GOLGA6L7: variants seen among roughly 807,000 people sequenced by gnomAD.
GOLGA6L7 encodes the protein golgin A6 family like 7.
GOLGA6L7 carries 29 observed loss-of-function variants against 68.9 expected under a neutral mutation model. The observed-to-expected ratio is 0.42, with a 90% CI of 0.31 to 0.57. GOLGA6L7 has a LOEUF of 0.57. Ranked by LOEUF, GOLGA6L7 falls within the 20% of genes least tolerant of loss-of-function variation. The probability of loss-of-function intolerance (pLI) is 0.13; values close to 1 mark genes in which losing one functional copy is unlikely to be tolerated. For missense variants in GOLGA6L7, 396 were observed against 588.4 expected (o/e 0.67, Z 3.38); for synonymous variants, 133 against 197.4 (o/e 0.67, Z 2.73).
chr15:28,848,022 A>G (rs1420142307), intron 1 of GOLGA6L7, among the ~76,000 whole-genome samples: 1 of 152,202 alleles, frequency 6.6e-6, no homozygotes, highest in Non-Finnish European at 1.5e-5. Context: ...ATGGGGTCAC[A>G]GGGTTGGGAC....
chr15:28,846,398 G>A (rs1208546167), intron 2 of GOLGA6L7, 149 bp from the exon 3 acceptor site: 131 of 651,804 alleles, frequency 2.0e-4, no homozygotes, highest in East Asian at 1.2e-3. Flanking sequence ...TTTCCTTAAC[G>A]CCCAAAGAAA....
At chr15:28,845,250 C>T (rs1175093749) in intron 6 of GOLGA6L7, 6 of 563,900 alleles carry the variant, frequency 1.1e-5, no homozygotes, top group Non-Finnish European at 1.9e-5. Context: ...CCCTCAACTC[C>T]GCCTAGGATT....
At chr15:28,845,294 G>C in intron 6 of GOLGA6L7, 1 of 616,220 alleles carries the variant, frequency 1.6e-6, no homozygotes, top group South Asian at 1.8e-5. Context: ...GGGTGGGGTG[G>C]GCACTTGGCC....
chr15:28,842,168 T>G lies in GOLGA6L7; in HGVS notation c.*67A>C, dbSNP rs1184511406. 4.2e-6 allele frequency: 5 copies of G among 1,200,084 alleles called. No homozygotes were observed. In the East Asian group the frequency reaches 1.6e-4, roughly 38 times the overall value. The allele number at this position is 1,200,084 out of a possible 1,614,324, so 74.3% of individuals were successfully genotyped here. Reference sequence around the variant, plus strand: ...ATAAATTTTCTTTTTTTCAAGTTTGTTCTCAGACTGTATTCACAAGGTCAC... The same window carrying G: ...ATAAATTTTCTTTTTTTCAAGTTTGGTCTCAGACTGTATTCACAAGGTCAC... On this transcript the variant is annotated 3_prime_UTR_variant, in exon 9 of 9. Coordinates refer to ENST00000567390, the MANE Select transcript of GOLGA6L7 (RefSeq NM_001365371.2).
At chr15:28,846,892 G>A (rs201170299) in intron 2 of GOLGA6L7, 172 bp downstream of exon 2, 37,750 of 327,530 alleles carry the variant, frequency 0.12, 509 homozygotes, top group African/African-American at 0.36. Context: ...GGCCCAAAGA[G>A]CTCGAGCAAT....
At chr15:28,845,317 G>T in intron 6 of GOLGA6L7, 1 of 652,158 alleles carries the variant, frequency 1.5e-6, no homozygotes. Flanking sequence ...CGAGCTCTGT[G>T]TCCAGTGCTC....
chr15:28,842,687 T>C lies in GOLGA6L7; in HGVS notation c.1417A>G (p.Lys473Glu), dbSNP rs28521361. The change falls in exon 9 of 9, where the codon AAG (lysine) becomes GAG (glutamate). Residue 473 changes from lysine to glutamate, a missense_variant. This residue lies in a region of GOLGA6L7 where 14 missense variants were observed against 63.0 expected (regional missense o/e 0.22). Transcript: ENST00000567390. ...TGCTCCCCCATCTGCTCCTCCTGCT[T>C]CCTCATCTGCTCCTCCTGCTCCCCC... ...QMGEQEEQMR[K>E]QEEQMGEQEE... 0.017 allele frequency: 19,670 copies of C among 1,153,670 alleles called. 731 individuals are homozygous for C. The highest frequency in any genetic ancestry group is 0.11 in the Admixed American group (2,325 of 20,404). The allele number at this position is 1,153,670 out of a possible 1,614,324, so 71.5% of individuals were successfully genotyped here.
rs564314402 is a variant in GOLGA6L7, at chr15:28,848,624, G to C, written c.-75C>G. ...AGGACAGTGATATGCCTCCAGTCAC[G>C]TACCACACAGCTATGTGACTGAGCC... is the stretch of plus-strand genomic sequence containing the variant. On this transcript the variant is annotated 5_prime_UTR_variant, in exon 1 of 9. Transcript: ENST00000567390. The C allele has an allele frequency of 3.7e-5, 27 of 736,974 alleles. No individual in the cohort carries two copies. The highest frequency in any genetic ancestry group is 3.2e-4 in the African/African-American group (19 of 58,590). The allele number at this position is 736,974 out of a possible 1,614,324, so 45.7% of individuals were successfully genotyped here. A position where few individuals can be genotyped will look rare whatever the true frequency, so the allele number is the denominator to read the frequency against.
rs956426432 is a variant in GOLGA6L7 at position 28,842,257 on chromosome 15, T to C, written c.1847A>G (p.Lys616Arg). 9.3e-5 allele frequency: 114 copies of C among 1,229,794 alleles called. 1 individual carries two copies. Among genetic ancestry groups the C allele is most frequent in the Middle Eastern group, 2.9e-4 (1 of 3,498 alleles). The allele number at this position is 1,229,794 out of a possible 1,614,324, so 76.2% of individuals were successfully genotyped here. Residue 616 changes from lysine (K) to arginine (R), a missense_variant, in exon 9 of 9, where the codon AAG (lysine) becomes AGG (arginine). By Grantham distance (26) the Lys-to-Arg change is conservative (BLOSUM62 2). Transcript: ENST00000567390. The stretch of plus-strand genomic sequence containing the variant: ...TTTTTAGATACTGATGATCTTGATC[T>C]TTTTCTTGTCTCCTCCGTAGAAGAA... The part of the protein sequence containing the change: ...IPFFYGGDKK[K>R]IKIISI
chr15:28,846,246 G>C lies in GOLGA6L7; in HGVS notation c.184C>G (p.Gln62Glu). Residue 62 changes from glutamine to glutamate, a missense_variant, in exon 3 of 9, where the codon CAA becomes GAA. This residue lies in a region of GOLGA6L7 where 125 missense variants were observed against 119.4 expected (regional missense o/e 1.05). Transcript: ENST00000567390. ...SGGCHSPEDK[Q>E]QNRAQLKEEN... ...TCTTTCAGCTGAGCTCGGTTCTGTT[G>C]TTTCTGTGGGGAGAGTCAAAGGAAG... The C allele has an allele frequency of 1.3e-6, 1 of 770,452 alleles. No homozygotes were observed. Among genetic ancestry groups the C allele is most frequent in the South Asian group, 1.4e-5 (1 of 72,944 alleles). The allele number at this position is 770,452 out of a possible 1,614,324, so 47.7% of individuals were successfully genotyped here.
At position 28,842,420 on chromosome 15, in the gene GOLGA6L7, G is replaced by C. The variant is rs2030221131; in HGVS notation, c.1684C>G (p.Pro562Ala). ...PSKYPSDMSH[P>A]GSLEPAREAG... is the part of the protein sequence containing the mutation. ...TCTCGTGCAGGCTCCAGGCTGCCAGGGTGGCTCATATCAGAAGGATATTTG... is the reference window on the plus strand; with the variant it reads ...TCTCGTGCAGGCTCCAGGCTGCCAGCGTGGCTCATATCAGAAGGATATTTG... The change falls in exon 9 of 9, where the codon CCT (proline) becomes GCT (alanine). Residue 562 changes from proline (P) to alanine (A), a missense_variant. Pro to Ala is a conservative substitution (Grantham distance 27). Coordinates refer to ENST00000567390, the MANE Select transcript of GOLGA6L7 (RefSeq NM_001365371.2). 1.7e-6 allele frequency: 2 copies of C among 1,170,148 alleles called. No individual in the cohort carries two copies. Among genetic ancestry groups the C allele is most frequent in the Non-Finnish European group, 2.2e-6 (2 of 926,562 alleles). The allele number at this position is 1,170,148 out of a possible 1,614,324, so 72.5% of individuals were successfully genotyped here.
intron 6 of GOLGA6L7, 116 bp from the exon 7 acceptor site, chr15:28,844,379 G>A (rs1020319250): frequency 1.1e-4 from 41 of 386,982 alleles, no homozygotes; most frequent in East Asian, 3.4e-4. Context: ...CGTCACACCC[G>A]ACATGTTCTC....
intron 2 of GOLGA6L7, chr15:28,846,861 T>A: frequency 1.9e-6 from 1 of 519,904 alleles, no homozygotes; most frequent in Non-Finnish European, 3.3e-6. Flanking sequence ...ACCATCCCCA[T>A]TTTACAGATG....
intron 1 of GOLGA6L7, among the ~76,000 whole-genome samples, chr15:28,847,594 C>G (rs2141056858): frequency 6.6e-6 from 1 of 152,338 alleles, no homozygotes; most frequent in Admixed American, 6.5e-5. Context: ...AGAGGACAAC[C>G]CAAGCTGCAT....
At chr15:28,844,426 TTTTC>T (rs1387670042) in intron 6 of GOLGA6L7, among the ~76,000 whole-genome samples, 163 bp from the exon 7 acceptor site, 1 of 139,086 alleles carries the variant, frequency 7.2e-6, no homozygotes, top group East Asian at 2.1e-4. Flanking sequence ...TTTGTTTTTC[TTTTC>T]TTTTTTTTTT....
chr15:28,844,070 C>T (rs371607315), intron 7 of GOLGA6L7, 135 bp downstream of exon 7: 17 of 568,820 alleles, frequency 3.0e-5, no homozygotes, highest in Admixed American at 1.6e-4. Flanking sequence ...GTGGCACAGC[C>T]GGCACTGGAG....
chr15:28,844,375 AC>A, intron 6 of GOLGA6L7, 112 bp from the exon 7 acceptor site: 1 of 369,532 alleles, frequency 2.7e-6, no homozygotes. Context: ...TCTCCGTCAC[AC>A]CCGACATGTT....
In GOLGA6L7 at chr15:28,841,949, A is replaced by ATT. The variant is rs200514876; in HGVS notation, c.*284_*285dup. On this transcript the variant is annotated 3_prime_UTR_variant, in exon 9 of 9. Coordinates refer to ENST00000567390, the MANE Select transcript of GOLGA6L7 (RefSeq NM_001365371.2). ...ATAGATATTAGAGTCCTCAGGTAGA[A>ATT]TTTTTTTTTTTTTTTTTGAAATGGG... 72 of 172,734 alleles carry ATT rather than the reference A, an allele frequency of 4.2e-4. No individual in the cohort carries two copies. Among genetic ancestry groups the ATT allele is most frequent in the Middle Eastern group, 2.3e-3 (1 of 432 alleles). The allele number at this position is 172,734 out of a possible 1,614,324, so 10.7% of individuals were successfully genotyped here.
chr15:28,848,378 C>G, intron 1 of GOLGA6L7, 121 bp downstream of exon 1: 1 of 618,614 alleles, frequency 1.6e-6, no homozygotes, highest in South Asian at 1.8e-5. Context: ...AGCCCAGAGG[C>G]ACTGGGGGGG....
Sources: gnomAD v4.1 joint callset for allele counts (sites outside exome capture counted in the v4.1 genomes callset) on GRCh38, gnomAD v4.1.1 for gene constraint, gnomAD v4.1.1 regional missense constraint, MANE v1.5 for transcripts, NCBI Gene and HGNC (gene_info 2026-07-23, HGNC 2026-07-21) for gene names.